The following CDC42 variants were observed in gnomAD, a reference collection of about 807,000 sequenced individuals.
CDC42 encodes the protein cell division cycle 42, also known as cell division control protein 42 homolog.
Under a neutral mutation model 20.8 loss-of-function variants are expected in CDC42, and 1 was observed. The ratio of observed to expected loss-of-function variants is 0.05; its 90% CI spans 0.02 to 0.23. The LOEUF is 0.23. Ranked by LOEUF, CDC42 falls within the 10% of genes least tolerant of loss-of-function variation. CDC42 has a pLI of 1.00. For missense variants in CDC42, 49 were observed against 227.9 expected, an observed-to-expected ratio of 0.21 and a Z score of 5.05; for synonymous variants, 72 against 84.8, an observed-to-expected ratio of 0.85 and a Z score of 0.83.
At chr1:22,085,015 T>A (rs1484147815) in intron 3 of CDC42, among the ~76,000 whole-genome samples, 1 of 152,042 alleles carries the variant, frequency 6.6e-6, no homozygotes, top group Admixed American at 6.6e-5. Flanking sequence ...GCAGATCACC[T>A]GAGGTCAGAA....
At chr1:22,054,565 A>G (rs1279126103) in intron 1 of CDC42, among the ~76,000 whole-genome samples, 2 of 152,126 alleles carry the variant, frequency 1.3e-5, no homozygotes, top group African/African-American at 2.4e-5. Context: ...ATGAGATCCA[A>G]TTGTGTAATG....
intron 2 of CDC42, among the ~76,000 whole-genome samples, chr1:22,080,296 G>C (rs948419880): frequency 1.1e-4 from 16 of 152,202 alleles, no homozygotes; most frequent in Non-Finnish European, 2.2e-4. Context: ...TAGTAAAGGA[G>C]GGTTGTTTTT....
intron 1 of CDC42, among the ~76,000 whole-genome samples, chr1:22,061,532 CTTTTTTTTTTTTTTTTTTT>C (rs555957608): frequency 2.8e-5 from 1 of 36,184 alleles, no homozygotes; most frequent in Non-Finnish European, 5.4e-5. Flanking sequence ...ATGTTTCTTT[CTTTTTTTTTTTTTTTTTTT>C]TTTTTTTTTT....
intron 1 of CDC42, among the ~76,000 whole-genome samples, chr1:22,076,878 T>C (rs188432637): frequency 6.6e-6 from 1 of 152,038 alleles, no homozygotes; most frequent in East Asian, 1.9e-4. Context: ...CGGTGGCTCA[T>C]GCATGTAATC....
chr1:22,072,471 A>G (rs1414713827), intron 1 of CDC42, among the ~76,000 whole-genome samples: 1 of 152,112 alleles, frequency 6.6e-6, no homozygotes, highest in African/African-American at 2.4e-5. Flanking sequence ...TACATAGGGC[A>G]CGGTTGTGGG....
chr1:22,086,446 G>A lies in CDC42; in HGVS notation c.186G>A (p.Glu62=). The change falls in exon 4 of 6, where the codon GAG becomes GAA. Residue 62 remains glutamate, a synonymous_variant. Transcript: ENST00000656825. ...TATTTTTCTTTTTTCTAGGGCAAGA[G>A]GATTATGACAGATTACGACCGCTGA... ...TLGLFDTAGQ[E]DYDRLRPLSY... 3 of 1,592,390 alleles carry A rather than the reference G, an allele frequency of 1.9e-6. No homozygotes were observed. Among genetic ancestry groups the A allele is most frequent in the Non-Finnish European group, 8.6e-7 (1 of 1,165,404 alleles).
intron 2 of CDC42, among the ~76,000 whole-genome samples, chr1:22,081,194 C>T (rs755856089): frequency 6.6e-6 from 1 of 152,136 alleles, no homozygotes; most frequent in Non-Finnish European, 1.5e-5. Context: ...AGCAAATAAT[C>T]TGCCAGCTTT....
chr1:22,077,344 T>A (rs16826459), intron 1 of CDC42, among the ~76,000 whole-genome samples: 1 of 152,134 alleles, frequency 6.6e-6, no homozygotes, highest in Non-Finnish European at 1.5e-5. Flanking sequence ...TGAGGTAGTA[T>A]AGGTTCATTT....
chr1:22,066,167 G>A (rs560000290), intron 1 of CDC42, among the ~76,000 whole-genome samples: 99 of 152,258 alleles, frequency 6.5e-4, no homozygotes, highest in Non-Finnish European at 1.3e-3. Flanking sequence ...TTGGGACGGG[G>A]AATAAAGAAG....
intron 5 of CDC42, 37 bp downstream of exon 5, chr1:22,086,903 C>A: frequency 6.5e-7 from 1 of 1,541,166 alleles, no homozygotes; most frequent in South Asian, 1.1e-5. Flanking sequence ...TATTTATGGT[C>A]GAGTCATTTA....
chr1:22,085,914 C>T (rs766414315), intron 3 of CDC42, among the ~76,000 whole-genome samples: 16 of 152,266 alleles, frequency 1.1e-4, no homozygotes, highest in Non-Finnish European at 8.8e-5. Flanking sequence ...GATGCCATCT[C>T]GGCTCACTGC....
chr1:22,078,900 T>C, intron 2 of CDC42: 1 of 1,243,336 alleles, frequency 8.0e-7, no homozygotes, highest in Non-Finnish European at 1.0e-6. Context: ...TTTTTTTTTT[T>C]TTTTGATATT....
chr1:22,090,277 T>C, intron 5 of CDC42: 1 of 1,184,030 alleles, frequency 8.4e-7, no homozygotes, highest in Non-Finnish European at 1.0e-6. Flanking sequence ...GCTCAGAGCT[T>C]TTTGGTTTGG....
rs184662060 is a variant in CDC42, at chr1:22,080,620, C to T, written c.106-1102C>T. 1.2e-4 allele frequency among the ~76,000 whole-genome samples: 18 copies of T among 152,160 alleles called. No homozygotes were observed. In the East Asian group the frequency reaches 3.5e-3, roughly 29 times the overall value. On this transcript the variant is annotated intron_variant, in intron 2 of 5. Transcript: ENST00000656825. ...TTTTAAAATTTTTACTGTAAATTGA[C>T]AGATTATAGTTGTATATGAAAGCAT...
At chr1:22,060,896 G>A (rs536423811) in intron 1 of CDC42, among the ~76,000 whole-genome samples, 1 of 152,310 alleles carries the variant, frequency 6.6e-6, no homozygotes, top group South Asian at 2.1e-4. Context: ...AACTTGAAAG[G>A]ATAGTTCTAT....
At chr1:22,090,022 G>A (rs1645700131) in intron 5 of CDC42, 1 of 1,613,790 alleles carries the variant, frequency 6.2e-7, no homozygotes. Flanking sequence ...AGGAAGTGCT[G>A]TATATTCTAA....
chr1:22,090,351 A>G, intron 5 of CDC42: 1 of 1,061,260 alleles, frequency 9.4e-7, no homozygotes, highest in Non-Finnish European at 1.1e-6. Context: ...AAATAACAAG[A>G]GTTTTAACAC....
rs569781177 is a variant in CDC42 at position 22,056,443 on chromosome 1, A to G, written c.-51+3701A>G. ...TACTCTCCTAAAAATTATTCACTTA[A>G]TGTTTGTTTCCTTATCTTCCTTTAT... On this transcript the variant is annotated intron_variant, in intron 1 of 5. Coordinates refer to ENST00000656825, the MANE Select transcript of CDC42 (RefSeq NM_001791.4). Among the ~76,000 whole-genome samples, 4 of 152,258 alleles carry G rather than the reference A, an allele frequency of 2.6e-5. No individual in the cohort carries two copies. The South Asian group carries it at 8.3e-4, about 32-fold the overall frequency.
chr1:22,056,569 A>G (rs1645306788), intron 1 of CDC42, among the ~76,000 whole-genome samples: 1 of 152,122 alleles, frequency 6.6e-6, no homozygotes, highest in Non-Finnish European at 1.5e-5. Flanking sequence ...TTAGTTTCTC[A>G]TACCTTCAGT....
Sources: gnomAD v4.1 joint callset for allele counts (sites outside exome capture counted in the v4.1 genomes callset) on GRCh38, gnomAD v4.1.1 for gene constraint, MANE v1.5 for transcripts, NCBI Gene and HGNC (gene_info 2026-07-23, HGNC 2026-07-21) for gene names.